NUTM2G: variants seen among roughly 807,000 people sequenced by gnomAD.
The protein encoded by NUTM2G is family with sequence similarity 22, member G.
A neutral mutation model predicts 44.3 loss-of-function variants in NUTM2G; 29 were observed. The ratio of observed to expected loss-of-function variants is 0.66; its 90% confidence interval spans 0.49 to 0.89. The LOEUF (loss-of-function observed/expected upper bound fraction) is 0.89. Ranked by LOEUF, NUTM2G falls within the 40% of genes least tolerant of loss-of-function variation. The pLI, the probability that NUTM2G is intolerant of heterozygous loss-of-function variation, is 0.00. For missense variants in NUTM2G, 502 were observed against 946.5 expected (o/e 0.53, Z 6.16); for synonymous variants, 205 against 395.9 (o/e 0.52, Z 5.72).
Position 96,938,585 on chromosome 9 carries a change from G to A in NUTM2G, c.1662G>A (p.Met554Ile), listed in dbSNP as rs1032148713. The A allele has an allele frequency of 1.2e-6, 2 of 1,612,916 alleles. No individual in the cohort carries two copies. The highest frequency in any genetic ancestry group is 1.7e-6 in the Non-Finnish European group (2 of 1,179,726). Residue 554 changes from methionine to isoleucine, a missense_variant, in exon 7 of 7, where the codon ATG becomes ATA. Transcript: ENST00000372322. ...GACAGGGCAGAGTGCGCACTGGCAT[G>A]GCCAGGTCCGAAGACCCTGCTGTGC... is the stretch of plus-strand genomic sequence containing the variant. Reference protein sequence around the residue: ...PQGQGRVRTGMARSEDPAVLL... With the variant: ...PQGQGRVRTGIARSEDPAVLL...
chr9:96,934,019 T>C (rs2119030930), intron 2 of NUTM2G: 1 of 152,316 alleles, frequency 6.6e-6, no homozygotes, highest in Admixed American at 6.5e-5. Flanking sequence ...CTATGACACA[T>C]TACATGACAG....
intron 3 of NUTM2G, among the ~76,000 whole-genome samples, 155 bp from the exon 4 acceptor site, chr9:96,936,270 G>T (rs1588204452): frequency 6.6e-6 from 1 of 152,002 alleles, no homozygotes; most frequent in African/African-American, 2.4e-5. Context: ...AACTCTGGGA[G>T]CAGCTCCCTC....
At position 96,937,168 on chromosome 9, in the gene NUTM2G, C is replaced by G; in HGVS notation, c.1087C>G (p.Pro363Ala). 3 of 1,612,428 alleles carry G rather than the reference C, an allele frequency of 1.9e-6. No homozygotes were observed. Among genetic ancestry groups the G allele is most frequent in the Non-Finnish European group, 2.5e-6 (3 of 1,179,860 alleles). ...ETKAHLPPPR[P>A]PRPAETKVPE... ...CAAGGCCCACCTGCCACCACCCAGG[C>G]CCCCGAGGCCAGCAGAGACCAAGGT... The change falls in exon 5 of 7, where the codon CCC becomes GCC. Residue 363 changes from proline to alanine, a missense_variant. Physicochemically the swap from Pro to Ala is conservative, Grantham distance 27. Coordinates refer to ENST00000372322, the MANE Select transcript of NUTM2G (RefSeq NM_001170741.3).
rs1826431224 is a variant in NUTM2G at position 96,936,428 on chromosome 9, C to T, written c.846C>T (p.Phe282=). Residue 282 remains phenylalanine (F), a synonymous_variant, in exon 4 of 7, where the codon TTC becomes TTT. Transcript: ENST00000372322. ...RMIFYEMAAK[F]LEFEAEEEMQ... is the part of the protein sequence containing the mutation. ...CCTGGGCCTCCTTCACCCCCAGGTT[C>T]CTGGAGTTTGAGGCTGAGGAGGAGA... The T allele has an allele frequency of 1.9e-6, 3 of 1,579,104 alleles. No individual in the cohort carries two copies. Among genetic ancestry groups the T allele is most frequent in the Non-Finnish European group, 2.6e-6 (3 of 1,170,970 alleles).
At chr9:96,930,423 C>CT (rs1184524168) in intron 1 of NUTM2G, among the ~76,000 whole-genome samples, 2 of 151,116 alleles carry the variant, frequency 1.3e-5, no homozygotes, top group African/African-American at 4.9e-5. Flanking sequence ...ACTCAGGAGG[C>CT]TGAGGCAGGA....
chr9:96,937,701 C>CTCTG (rs1409812489), intron 5 of NUTM2G, among the ~76,000 whole-genome samples, 184 bp from the exon 6 acceptor site: 1 of 147,864 alleles, frequency 6.8e-6, no homozygotes, highest in South Asian at 2.1e-4. Context: ...GTTTGTGTGT[C>CTCTG]TCTGTATGTG....
rs1176891826 is a variant in NUTM2G, at chr9:96,931,707, C to G, written c.17-15C>G. The G allele has an allele frequency of 2.5e-6, 4 of 1,611,184 alleles. No homozygotes were observed. The highest frequency in any genetic ancestry group is 3.4e-6 in the Non-Finnish European group (4 of 1,179,680). ...GAGACGCCAGCTCATTCACCTCTTT[C>G]CTTTGTCTCCACAGCATACCCAGTG... On this transcript the variant is annotated splice_polypyrimidine_tract_variant and intron_variant, in intron 1 of 6. Transcript: ENST00000372322.
Position 96,935,350 on chromosome 9 carries a change from C to T in NUTM2G, c.736C>T (p.Arg246Trp), listed in dbSNP as rs762971415. ...CAGCCCAGTTCTCCGATCCCTGGCC[C>T]GGCGGAAGCCCACCATGACGCTGGA... ...FLIPVLRSLA[R>W]RKPTMTLEEG... Residue 246 changes from arginine to tryptophan, a missense_variant, in exon 3 of 7, where the codon CGG becomes TGG. Coordinates refer to ENST00000372322, the MANE Select transcript of NUTM2G (RefSeq NM_001170741.3). The T allele has an allele frequency of 8.7e-6, 14 of 1,611,980 alleles. No homozygotes were observed. The highest frequency in any genetic ancestry group is 5.0e-5 in the Admixed American group (3 of 60,012).
chr9:96,937,104 C>T lies in NUTM2G; in HGVS notation c.1023C>T (p.Ala341=). 1.9e-6 allele frequency: 3 copies of T among 1,611,396 alleles called. No individual in the cohort carries two copies. The highest frequency in any genetic ancestry group is 2.5e-6 in the Non-Finnish European group (3 of 1,179,634). Residue 341 remains alanine, a synonymous_variant, in exon 5 of 7, where the codon GCC becomes GCT. Transcript: ENST00000372322. ...PSKDGPKAPT[A]CLPPPRPQRP... ...AGGATGGCCCCAAGGCCCCGACTGC[C>T]TGCCTGCCACCACCCAGGCCCCAGA...
At chr9:96,932,489 G>A (rs1228975320) in intron 2 of NUTM2G, 71 bp downstream of exon 2, 58 of 1,147,474 alleles carry the variant, frequency 5.1e-5, no homozygotes, top group East Asian at 1.7e-4. Context: ...TGGACAGGAG[G>A]TCACACTGTT....
intron 2 of NUTM2G, among the ~76,000 whole-genome samples, chr9:96,934,465 T>C (rs959174381): frequency 3.3e-5 from 5 of 151,772 alleles, no homozygotes; most frequent in Non-Finnish European, 7.4e-5. Flanking sequence ...ATTCTTGGAG[T>C]GTAGCCGCCC....
Position 96,936,696 on chromosome 9 carries a change from G to A in NUTM2G, c.982+132G>A, listed in dbSNP as rs998670249. On this transcript the variant is annotated intron_variant, in intron 4 of 6. Transcript: ENST00000372322. ...CTCCAACAGGACAGCTTCCGGGACT[G>A]TATGTTGGGTATTGACCAGGTCAAT... 125 of 1,442,894 alleles carry A rather than the reference G, an allele frequency of 8.7e-5. No individual in the cohort carries two copies. In the Admixed American group the frequency reaches 3.0e-3, roughly 35 times the overall value. 89.4% of individuals were successfully genotyped at this position (1,442,894 alleles called of 1,614,324 possible). A position where few individuals can be genotyped will look rare whatever the true frequency, so the allele number is the denominator to read the frequency against.
At chr9:96,932,575 G>A (rs1490278680) in intron 2 of NUTM2G, among the ~76,000 whole-genome samples, 157 bp downstream of exon 2, 1 of 152,214 alleles carries the variant, frequency 6.6e-6, no homozygotes, top group African/African-American at 2.4e-5. Flanking sequence ...ACATTAATCT[G>A]GCTGTGGCTC....
intron 2 of NUTM2G, among the ~76,000 whole-genome samples, chr9:96,934,956 G>A (rs1826379815): frequency 2.0e-5 from 3 of 151,778 alleles, no homozygotes; most frequent in South Asian, 2.1e-4. Flanking sequence ...ATCAGAGCTC[G>A]GATTCCATGA....
intron 6 of NUTM2G, 133 bp downstream of exon 6, chr9:96,938,134 A>T: frequency 1.4e-6 from 1 of 723,344 alleles, no homozygotes; most frequent in African/African-American, 1.8e-5. Context: ...CGGGGTGGGA[A>T]GATGCAGGTT....
Position 96,931,739 on chromosome 9 carries a change from C to T in NUTM2G, c.34C>T (p.Pro12Ser). The T allele has an allele frequency of 6.2e-7, 1 of 1,611,568 alleles. No individual in the cohort carries two copies. Among genetic ancestry groups the T allele is most frequent in the Non-Finnish European group, 8.5e-7 (1 of 1,179,836 alleles). Residue 12 changes from proline (P) to serine (S), a missense_variant, in exon 2 of 7, where the codon CCC becomes TCC. Physicochemically the swap from Pro to Ser is moderately conservative, Grantham distance 74. Coordinates refer to ENST00000372322, the MANE Select transcript of NUTM2G (RefSeq NM_001170741.3). ...CTCCACAGCATACCCAGTGCTGGGA[C>T]CCGGCGTGACCGTGAACCCTGGCAC... ...ASNGAYPVLG[P>S]GVTVNPGTSL...
At chr9:96,929,318 G>A (rs1375367902) in intron 1 of NUTM2G, among the ~76,000 whole-genome samples, 4 of 152,046 alleles carry the variant, frequency 2.6e-5, no homozygotes, top group Non-Finnish European at 4.4e-5. Flanking sequence ...GACAGGTCAC[G>A]TCATTGTGTT....
downstream of NUTM2G, among the ~76,000 whole-genome samples, chr9:96,940,600 G>A (rs1826568065): frequency 6.6e-6 from 1 of 151,330 alleles, no homozygotes; most frequent in African/African-American, 2.5e-5. Flanking sequence ...CCTCTCCAGG[G>A]CCCTTGTTGG....
intron 3 of NUTM2G, 148 bp downstream of exon 3, chr9:96,935,604 G>A: frequency 6.7e-7 from 1 of 1,493,646 alleles, no homozygotes; most frequent in Non-Finnish European, 9.1e-7. Flanking sequence ...CCCTCAGGAA[G>A]CTGCTCCTGC....
Sources: gnomAD v4.1 joint callset for allele counts (sites outside exome capture counted in the v4.1 genomes callset) on GRCh38, gnomAD v4.1.1 for gene constraint, MANE v1.5 for transcripts, NCBI Gene and HGNC (gene_info 2026-07-23, HGNC 2026-07-21) for gene names.